The following NKAIN2 variants were observed in gnomAD, a reference collection of about 807,000 sequenced individuals.
NKAIN2 encodes sodium/potassium-transporting ATPase subunit beta-1-interacting protein 2.
A neutral mutation model predicts 32.6 loss-of-function variants in NKAIN2; 14 were observed. The observed-to-expected ratio is 0.43, with a 90% CI of 0.28 to 0.67. The LOEUF (loss-of-function observed/expected upper bound fraction) is 0.67, where lower values mean the gene tolerates loss of function less well. Ranked by LOEUF, NKAIN2 falls within the 30% of genes least tolerant of loss-of-function variation. The probability of loss-of-function intolerance (pLI) is 0.17; values close to 1 mark genes in which losing one functional copy is unlikely to be tolerated. For missense variants in NKAIN2, 198 were observed against 258.3 expected (o/e 0.77, Z 1.60); for synonymous variants, 80 against 87.2 (o/e 0.92, Z 0.46).
chr6:124,773,485 G>T (rs1778852132), intron 4 of NKAIN2, among the ~76,000 whole-genome samples: 1 of 152,154 alleles, frequency 6.6e-6, no homozygotes, highest in Admixed American at 6.5e-5. Context: ...TGGCTCAGAG[G>T]TTAAAGACTT....
chr6:124,665,153 GA>G (rs985856565), intron 4 of NKAIN2, among the ~76,000 whole-genome samples: 3 of 150,740 alleles, frequency 2.0e-5, no homozygotes, highest in Non-Finnish European at 4.4e-5. Flanking sequence ...TACAGAAATA[GA>G]AAAAAAAATC....
At chr6:124,101,129 G>T (rs965471215) in intron 1 of NKAIN2, among the ~76,000 whole-genome samples, 3 of 152,140 alleles carry the variant, frequency 2.0e-5, no homozygotes, top group Non-Finnish European at 4.4e-5. Context: ...ATAGTACACT[G>T]TACAAAAGTG....
chr6:123,924,240 A>T (rs1349734019), intron 1 of NKAIN2, among the ~76,000 whole-genome samples: 1 of 152,250 alleles, frequency 6.6e-6, no homozygotes, highest in Admixed American at 6.5e-5. Context: ...GTAAAATTCC[A>T]TCTGGGTGGC....
intron 2 of NKAIN2, among the ~76,000 whole-genome samples, chr6:124,331,344 AC>A (rs1447501696): frequency 1.6e-5 from 2 of 122,552 alleles, no homozygotes; most frequent in Non-Finnish European, 3.3e-5. Context: ...TACTAAATAT[AC>A]AAAAAAAAAA....
intron 3 of NKAIN2, among the ~76,000 whole-genome samples, chr6:124,632,700 A>T (rs1783617327): frequency 6.6e-6 from 1 of 152,178 alleles, no homozygotes; most frequent in Non-Finnish European, 1.5e-5. Flanking sequence ...AATGAAATAG[A>T]TACATATACT....
intron 1 of NKAIN2, among the ~76,000 whole-genome samples, chr6:123,860,106 A>G (rs559531496): frequency 3.3e-5 from 5 of 152,172 alleles, no homozygotes; most frequent in African/African-American, 7.2e-5. Context: ...AAGCACTTCT[A>G]CTTGAAGCAC....
intron 1 of NKAIN2, among the ~76,000 whole-genome samples, chr6:124,139,078 A>ATTTTTTTTTTTTTT (rs1161013269): frequency 4.1e-5 from 3 of 73,534 alleles, no homozygotes; most frequent in African/African-American, 1.1e-4. Context: ...TTTAAATAAA[A>ATTTTTTTTTTTTTT]ATTTTTTTTT....
At chr6:123,828,693 C>T (rs1249417044) in intron 1 of NKAIN2, 2 of 152,226 alleles carry the variant, frequency 1.3e-5, no homozygotes, top group Non-Finnish European at 2.9e-5. Context: ...TGTCATTCTT[C>T]CACTTCCTAA....
At chr6:123,946,036 A>T (rs1048688606) in intron 1 of NKAIN2, among the ~76,000 whole-genome samples, 1 of 152,138 alleles carries the variant, frequency 6.6e-6, no homozygotes, top group Non-Finnish European at 1.5e-5. Flanking sequence ...GCATTGGAGA[A>T]TAATGTATAA....
At chr6:124,082,792 A>G (rs1784033619) in intron 1 of NKAIN2, among the ~76,000 whole-genome samples, 1 of 152,050 alleles carries the variant, frequency 6.6e-6, no homozygotes, top group Non-Finnish European at 1.5e-5. Flanking sequence ...ACAAAATAGA[A>G]ATCAATCCAT....
intron 1 of NKAIN2, among the ~76,000 whole-genome samples, chr6:124,251,011 A>C (rs1793670215): frequency 6.6e-6 from 1 of 152,050 alleles, no homozygotes; most frequent in South Asian, 2.1e-4. Flanking sequence ...AAGAATAAAC[A>C]CAGGTAAACT....
intron 3 of NKAIN2, among the ~76,000 whole-genome samples, chr6:124,459,607 T>C (rs1335780091): frequency 6.6e-6 from 1 of 151,894 alleles, no homozygotes; most frequent in African/African-American, 2.4e-5. Flanking sequence ...TAAGTTTGTC[T>C]TATGATCCGT....
At chr6:123,845,110 G>A (rs1004378337) in intron 1 of NKAIN2, among the ~76,000 whole-genome samples, 3 of 152,182 alleles carry the variant, frequency 2.0e-5, no homozygotes, top group African/African-American at 7.2e-5. Context: ...AGATGTTGAA[G>A]TGCAATATTC....
chr6:124,614,649 C>T (rs984836760), intron 3 of NKAIN2, among the ~76,000 whole-genome samples: 4 of 152,120 alleles, frequency 2.6e-5, no homozygotes, highest in African/African-American at 9.7e-5. Flanking sequence ...ATTCACTCCT[C>T]ACTCTACTCT....
At chr6:124,473,813 G>T (rs892571610) in intron 3 of NKAIN2, among the ~76,000 whole-genome samples, 4 of 152,066 alleles carry the variant, frequency 2.6e-5, no homozygotes, top group African/African-American at 9.7e-5. Flanking sequence ...TGAGTGCACT[G>T]GTTTCACATC....
intron 1 of NKAIN2, among the ~76,000 whole-genome samples, chr6:124,231,147 C>A (rs1324848477): frequency 6.6e-6 from 1 of 152,204 alleles, no homozygotes; most frequent in East Asian, 1.9e-4. Context: ...CATTTTGGAG[C>A]TTTAAGATTT....
intron 4 of NKAIN2, among the ~76,000 whole-genome samples, chr6:124,668,789 T>C (rs1181714965): frequency 6.6e-6 from 1 of 152,190 alleles, no homozygotes; most frequent in Admixed American, 6.5e-5. Context: ...CTGTGTTGCT[T>C]ACAATTTAAA....
At chr6:124,702,353 T>G (rs1014742900) in intron 4 of NKAIN2, among the ~76,000 whole-genome samples, 6 of 152,130 alleles carry the variant, frequency 3.9e-5, no homozygotes, top group Non-Finnish European at 7.4e-5. Context: ...TATTTACAGT[T>G]AAATATAAGG....
intron 2 of NKAIN2, among the ~76,000 whole-genome samples, chr6:124,297,090 A>G (rs1409203919): frequency 6.6e-6 from 1 of 152,212 alleles, no homozygotes. Flanking sequence ...AAGAATTACC[A>G]TGATGACTAG....
Sources: allele counts gnomAD v4.1 joint callset (sites outside exome capture counted in the v4.1 genomes callset), GRCh38; gene constraint gnomAD v4.1.1; transcripts MANE v1.5; gene names NCBI Gene and HGNC (gene_info 2026-07-23, HGNC 2026-07-21).